Variants in KHDRBS2 observed in about 807,000 individuals in gnomAD.
KHDRBS2 encodes KH domain-containing, RNA-binding, signal transduction-associated protein 2.
Under a neutral mutation model 44.3 loss-of-function variants are expected in KHDRBS2, and 26 were observed. The ratio of observed to expected loss-of-function variants is 0.59; its 90% CI spans 0.43 to 0.81. KHDRBS2 has a LOEUF of 0.81. KHDRBS2 is among the 40% of genes least tolerant of loss of function. KHDRBS2 has a pLI of 0.00. For missense variants in KHDRBS2, 476 were observed against 433.1 expected, an observed-to-expected ratio of 1.10 and a Z score of -0.88; for synonymous variants, 194 against 151.1, an observed-to-expected ratio of 1.28 and a Z score of -2.08.
chr6:61,900,821 A>G (rs1803842663), intron 5 of KHDRBS2, among the ~76,000 whole-genome samples: 1 of 152,168 alleles, frequency 6.6e-6, no homozygotes, highest in South Asian at 2.1e-4. Flanking sequence ...CTCTTCATAC[A>G]AGGGTATCTT....
chr6:61,910,263 G>T (rs1805816335), intron 4 of KHDRBS2, among the ~76,000 whole-genome samples: 1 of 152,194 alleles, frequency 6.6e-6, no homozygotes, highest in African/African-American at 2.4e-5. Context: ...CCAACACAGG[G>T]TGAGTTTTAA....
intron 4 of KHDRBS2, among the ~76,000 whole-genome samples, chr6:61,904,535 A>T (rs562588111): frequency 2.6e-5 from 4 of 152,230 alleles, no homozygotes; most frequent in Non-Finnish European, 5.9e-5. Context: ...CAAAGACTTC[A>T]GTTGCTGTGC....
chr6:61,696,324 C>T (rs1767900427), intron 8 of KHDRBS2, among the ~76,000 whole-genome samples: 1 of 151,852 alleles, frequency 6.6e-6, no homozygotes, highest in African/African-American at 2.4e-5. Flanking sequence ...GGCACGATCT[C>T]GGCTCACTGC....
intron 1 of KHDRBS2, among the ~76,000 whole-genome samples, chr6:62,240,886 A>G (rs974195615): frequency 2.0e-5 from 3 of 151,034 alleles, no homozygotes; most frequent in African/African-American, 7.3e-5. Context: ...ACAACTGTTG[A>G]CCTCTATCTC....
chr6:62,001,851 T>A (rs1009526382), intron 3 of KHDRBS2, among the ~76,000 whole-genome samples: 1 of 152,146 alleles, frequency 6.6e-6, no homozygotes. Context: ...TGCTTACTAC[T>A]GACACATCTA....
intron 6 of KHDRBS2, among the ~76,000 whole-genome samples, chr6:61,828,723 T>A (rs548390286): frequency 1.3e-5 from 2 of 152,336 alleles, no homozygotes; most frequent in Admixed American, 1.3e-4. Context: ...TCTTAAAGTA[T>A]TTATCACACT....
chr6:61,987,879 A>T (rs1432678737), intron 3 of KHDRBS2, among the ~76,000 whole-genome samples: 1 of 152,198 alleles, frequency 6.6e-6, no homozygotes, highest in Non-Finnish European at 1.5e-5. Context: ...TTCCAGGATC[A>T]GGCCATCCAT....
At chr6:62,153,554 G>T (rs1422986671) in intron 2 of KHDRBS2, among the ~76,000 whole-genome samples, 1 of 151,950 alleles carries the variant, frequency 6.6e-6, no homozygotes, top group Admixed American at 6.6e-5. Flanking sequence ...CAAGAGTATG[G>T]ATTTAAAACT....
intron 6 of KHDRBS2, among the ~76,000 whole-genome samples, chr6:61,783,828 A>G (rs931231896): frequency 6.6e-6 from 1 of 152,096 alleles, no homozygotes; most frequent in African/African-American, 2.4e-5. Context: ...GTTGTTCATC[A>G]TATGTAAACT....
the KHDRBS2 span, among the ~76,000 whole-genome samples, chr6:61,588,841 A>T: frequency 1.1e-4 from 17 of 152,274 alleles, no homozygotes; most frequent in East Asian, 3.3e-3. Flanking sequence ...AATAGACTCG[A>T]TAAAGAAAAT....
chr6:61,827,112 A>C (rs902801338), intron 6 of KHDRBS2, among the ~76,000 whole-genome samples: 2 of 152,208 alleles, frequency 1.3e-5, no homozygotes, highest in African/African-American at 4.8e-5. Context: ...GGTTTCAGGG[A>C]AGCATATTTA....
intron 6 of KHDRBS2, among the ~76,000 whole-genome samples, chr6:61,857,378 T>C (rs1334118201): frequency 6.6e-6 from 1 of 152,040 alleles, no homozygotes; most frequent in Non-Finnish European, 1.5e-5. Context: ...CACTTAACTA[T>C]AACCATGGCT....
chr6:61,611,074 A>G, the KHDRBS2 span, among the ~76,000 whole-genome samples: 22,358 of 152,274 alleles, frequency 0.15, 2,099 homozygotes, highest in South Asian at 0.27. Context: ...TATTTTATAA[A>G]TAATGCATAA....
In KHDRBS2 at chr6:62,182,574, A is replaced by T. The variant is rs553271830; in HGVS notation, c.92-5262T>A. ...TTCATAGGGGTATACTTCTCTCCAAATTCATCAAGCTGTATATATTACATA... is the reference window on the plus strand; with the variant it reads ...TTCATAGGGGTATACTTCTCTCCAATTTCATCAAGCTGTATATATTACATA... On this transcript the variant is annotated intron_variant, in intron 1 of 8. Transcript: ENST00000281156. 4.6e-5 allele frequency among the ~76,000 whole-genome samples: 7 copies of T among 151,990 alleles called. No homozygotes were observed. The South Asian group carries it at 1.5e-3, about 32-fold the overall frequency.
intron 3 of KHDRBS2, among the ~76,000 whole-genome samples, chr6:61,992,118 A>G (rs1465956881): frequency 6.6e-6 from 1 of 152,230 alleles, no homozygotes; most frequent in Non-Finnish European, 1.5e-5. Context: ...CCAGGGGCAG[A>G]AAATATATAC....
intron 2 of KHDRBS2, among the ~76,000 whole-genome samples, chr6:62,071,989 C>T (rs912219326): frequency 6.6e-6 from 1 of 152,106 alleles, no homozygotes; most frequent in African/African-American, 2.4e-5. Context: ...AATGTTCTTC[C>T]ATTTGTTTGT....
At chr6:62,275,947 AT>A (rs1346192038) in intron 1 of KHDRBS2, among the ~76,000 whole-genome samples, 2 of 152,228 alleles carry the variant, frequency 1.3e-5, no homozygotes, top group Non-Finnish European at 2.9e-5. Context: ...AAAAGCAGCC[AT>A]TACTTGAGTC....
At chr6:62,128,747 C>G (rs1181135927) in intron 2 of KHDRBS2, among the ~76,000 whole-genome samples, 1 of 151,150 alleles carries the variant, frequency 6.6e-6, no homozygotes, top group Non-Finnish European at 1.5e-5. Flanking sequence ...ATAAGCAGCA[C>G]AGAATTAATC....
chr6:62,063,397 C>T (rs950260460), intron 2 of KHDRBS2, among the ~76,000 whole-genome samples: 7 of 151,320 alleles, frequency 4.6e-5, no homozygotes, highest in Non-Finnish European at 8.9e-5. Context: ...ACTGGCAAAC[C>T]GAATCCAGCA....
Sources: allele counts gnomAD v4.1 joint callset (sites outside exome capture counted in the v4.1 genomes callset), GRCh38; gene constraint gnomAD v4.1.1; transcripts MANE v1.5; gene names NCBI Gene and HGNC (gene_info 2026-07-23, HGNC 2026-07-21).